Variants in AP2M1 observed in about 807,000 individuals in gnomAD.
AP2M1 encodes adaptor related protein complex 2 subunit mu 1.
AP2M1 carries 5 observed loss-of-function variants against 54.5 expected under a neutral mutation model. The observed-to-expected ratio is 0.09, with a 90% CI of 0.05 to 0.19. The LOEUF (loss-of-function observed/expected upper bound fraction) is 0.19. AP2M1 is among the 10% of genes least tolerant of loss of function. AP2M1 has a pLI of 1.00. For missense variants in AP2M1, 178 were observed against 580.2 expected (o/e 0.31, Z 7.12); for synonymous variants, 186 against 208.2 (o/e 0.89, Z 0.92).
intron 3 of AP2M1, 178 bp downstream of exon 3, chr3:184,179,300 C>CAGCCTTCAGGTCTGGA: frequency 1.3e-6 from 1 of 750,924 alleles, no homozygotes; most frequent in Non-Finnish European, 2.1e-6. Context: ...ACATCCAGAC[C>CAGCCTTCAGGTCTGGA]TGAAGGCTGG....
intron 1 of AP2M1, 44 bp from the exon 2 acceptor site, chr3:184,176,907 A>G (rs1452139468): frequency 2.2e-6 from 3 of 1,381,862 alleles, no homozygotes; most frequent in African/African-American, 1.4e-5. Flanking sequence ...GGATGTTGGC[A>G]GCGATTCTGA....
chr3:184,182,900 A>G lies in AP2M1; in HGVS notation c.1173+32A>G, dbSNP rs1226472207. 1 of 1,578,344 alleles carries G rather than the reference A, an allele frequency of 6.3e-7. No homozygotes were observed. The highest frequency in any genetic ancestry group is 1.3e-5 in the African/African-American group (1 of 74,290). ...CAGAGGAGGGGCCTAGAGTCATGCC[A>G]GGGTATGCTGGAAGACCTCTTAGAG... On this transcript the variant is annotated intron_variant, in intron 11 of 11. Coordinates refer to ENST00000292807, the MANE Select transcript of AP2M1 (RefSeq NM_004068.4). This position sits in a 1 kb window ranked among gnomAD's most constrained non-coding sequence, Gnocchi z 5.5.
intron 1 of AP2M1, among the ~76,000 whole-genome samples, chr3:184,176,229 A>AG (rs1015477354): frequency 1.4e-4 from 22 of 152,030 alleles, no homozygotes; most frequent in African/African-American, 5.1e-4. Context: ...GCTTTTTGAA[A>AG]GGGGGGTGGT....
Position 184,182,165 on chromosome 3 carries a change from C to T in AP2M1, c.978C>T (p.Thr326=), listed in dbSNP as rs1577060324. Reference sequence around the variant, plus strand: ...GTCACTTCTAGGTGAGGATCCCAACCCCACTGAACACAAGCGGGGTGCAGG... The same window carrying T: ...GTCACTTCTAGGTGAGGATCCCAACTCCACTGAACACAAGCGGGGTGCAGG... ...LAQKIEVRIP[T]PLNTSGVQVI... The change falls in exon 10 of 12, where the codon ACC becomes ACT. Residue 326 remains threonine (T), a synonymous_variant. Coordinates refer to ENST00000292807, the MANE Select transcript of AP2M1 (RefSeq NM_004068.4). This position sits in a 1 kb window ranked among gnomAD's most constrained non-coding sequence, Gnocchi z 5.5. 1 of 1,614,108 alleles carries T rather than the reference C, an allele frequency of 6.2e-7. No homozygotes were observed. The highest frequency in any genetic ancestry group is 8.5e-7 in the Non-Finnish European group (1 of 1,179,990).
intron 1 of AP2M1, among the ~76,000 whole-genome samples, chr3:184,176,552 T>A (rs1715078872): frequency 1.3e-5 from 2 of 152,028 alleles, no homozygotes; most frequent in South Asian, 4.1e-4. Flanking sequence ...ACTGGAGTAA[T>A]GCCTACCGCC....
At position 184,181,003 on chromosome 3, in the gene AP2M1, C is replaced by G. The variant is rs770256640; in HGVS notation, c.565+19C>G. The G allele has an allele frequency of 1.2e-6, 2 of 1,613,956 alleles. No individual in the cohort carries two copies. The highest frequency in any genetic ancestry group is 1.3e-5 in the African/African-American group (1 of 74,884). ...CCACAAGGTGAGGTCCCTCTCACGA[C>G]AAAGTTGGAGGGGGCCCAGGGCAGG... On this transcript the variant is annotated intron_variant, in intron 6 of 11. Transcript: ENST00000292807. This position sits in a 1 kb window ranked among gnomAD's most constrained non-coding sequence, Gnocchi z 5.7.
chr3:184,175,106 T>G, intron 1 of AP2M1, 147 bp downstream of exon 1: 2 of 385,532 alleles, frequency 5.2e-6, no homozygotes, highest in Non-Finnish European at 9.2e-6. Flanking sequence ...GGGAGCTAGC[T>G]GACGGTGGGG....
At position 184,181,336 on chromosome 3, in the gene AP2M1, C is replaced by A; in HGVS notation, c.707+110C>A. On this transcript the variant is annotated intron_variant, in intron 7 of 11. Coordinates refer to ENST00000292807, the MANE Select transcript of AP2M1 (RefSeq NM_004068.4). This position sits in a 1 kb window ranked among gnomAD's most constrained non-coding sequence, Gnocchi z 5.7. The stretch of plus-strand genomic sequence containing the variant: ...TTCATTCCCACTGTAATTGCAAACT[C>A]TGTTCCTGACGGTAAGCCTGGCTGT... The A allele has an allele frequency of 6.7e-7, 1 of 1,496,558 alleles. No individual in the cohort carries two copies. Among genetic ancestry groups the A allele is most frequent in the Non-Finnish European group, 9.1e-7 (1 of 1,093,368 alleles). 92.7% of individuals were successfully genotyped at this position (1,496,558 alleles called of 1,614,324 possible).
chr3:184,180,147 G>C lies in AP2M1; in HGVS notation c.341-22G>C. The C allele has an allele frequency of 1.9e-6, 3 of 1,613,384 alleles. No individual in the cohort carries two copies. The South Asian group carries it at 3.3e-5, about 18-fold the overall frequency. On this transcript the variant is annotated intron_variant, in intron 3 of 11. Transcript: ENST00000292807. This position sits in a 1 kb window ranked among gnomAD's most constrained non-coding sequence, Gnocchi z 4.9. ...AATGAAGAAGCTCTGTCCAGGGGCT[G>C]ATGGTTCCCTTCTTTTTGCAGAGAT...
At position 184,180,319 on chromosome 3, in the gene AP2M1, G is replaced by A; in HGVS notation, c.423+68G>A. 1.3e-6 allele frequency: 2 copies of A among 1,564,650 alleles called. No homozygotes were observed. Among genetic ancestry groups the A allele is most frequent in the Non-Finnish European group, 1.7e-6 (2 of 1,143,338 alleles). ...TCCCTTCATCTCAGCTGGCCCCTGA[G>A]CCTTGTCTGAGCTGACTCATGAGCC... On this transcript the variant is annotated intron_variant, in intron 4 of 11. Coordinates refer to ENST00000292807, the MANE Select transcript of AP2M1 (RefSeq NM_004068.4). This position sits in a 1 kb window ranked among gnomAD's most constrained non-coding sequence, Gnocchi z 4.9.
rs1202025869 is a variant in AP2M1, at chr3:184,183,617, C to A, written c.*1C>A. 2 of 1,612,604 alleles carry A rather than the reference C, an allele frequency of 1.2e-6. No individual in the cohort carries two copies. The highest frequency in any genetic ancestry group is 2.2e-5 in the South Asian group (2 of 91,036). The stretch of plus-strand genomic sequence containing the variant: ...TGGCATTTATGAAACTCGCTGCTAG[C>A]TGCCACTAGGCAGCTAGCCCACCTC... On this transcript the variant is annotated 3_prime_UTR_variant, in exon 12 of 12. Coordinates refer to ENST00000292807, the MANE Select transcript of AP2M1 (RefSeq NM_004068.4). The surrounding 1 kb of genome is among the most constrained non-coding windows in gnomAD (Gnocchi z 5.7).
At position 184,181,744 on chromosome 3, in the gene AP2M1, G is replaced by A; in HGVS notation, c.756G>A (p.Val252=). The A allele has an allele frequency of 1.2e-6, 2 of 1,614,084 alleles. No homozygotes were observed. The highest frequency in any genetic ancestry group is 2.7e-5 in the African/African-American group (2 of 75,060). The change falls in exon 8 of 12, where the codon GTG becomes GTA. Residue 252 remains valine, a synonymous_variant. Coordinates refer to ENST00000292807, the MANE Select transcript of AP2M1 (RefSeq NM_004068.4). The surrounding 1 kb of genome is among the most constrained non-coding windows in gnomAD (Gnocchi z 5.7). ...AIDDCTFHQC[V]RLSKFDSERS... is the part of the protein sequence containing the mutation. ...ATGACTGCACCTTCCACCAGTGTGTGCGACTCAGCAAGTTTGACTCTGAAC... is the reference window on the plus strand; with the variant it reads ...ATGACTGCACCTTCCACCAGTGTGTACGACTCAGCAAGTTTGACTCTGAAC...
At chr3:184,179,158 G>A in intron 3 of AP2M1, 36 bp downstream of exon 3, 1 of 1,604,020 alleles carries the variant, frequency 6.2e-7, no homozygotes, top group Non-Finnish European at 8.5e-7. Flanking sequence ...GCGGGCGTAG[G>A]GTGGGAAAAA....
At chr3:184,176,846 T>C in intron 1 of AP2M1, 105 bp from the exon 2 acceptor site, 2 of 736,846 alleles carry the variant, frequency 2.7e-6, no homozygotes, top group Non-Finnish European at 4.2e-6. Flanking sequence ...GGTCACTTAC[T>C]AAAGGGTTGA....
At position 184,177,113 on chromosome 3, in the gene AP2M1, C is replaced by G. The variant is rs768276985; in HGVS notation, c.74+46C>G. ...AGCTGTGCCCCACCACTCCAGCCCC[C>G]CAGCCCCAGCATACAGGATTAGGTC... is the stretch of plus-strand genomic sequence containing the variant. On this transcript the variant is annotated intron_variant, in intron 2 of 11. Coordinates refer to ENST00000292807, the MANE Select transcript of AP2M1 (RefSeq NM_004068.4). The G allele has an allele frequency of 2.5e-6, 4 of 1,575,952 alleles. No homozygotes were observed. The South Asian group carries it at 3.4e-5, about 13-fold the overall frequency.
rs1196962616 is a variant in AP2M1, at chr3:184,183,002, A to T, written c.1173+134A>T. The stretch of plus-strand genomic sequence containing the variant: ...AAGAAGAACTGGCTTTAATTCATAG[A>T]TCCATTCTTCCCCTTTCAAGCCTCT... On this transcript the variant is annotated intron_variant, in intron 11 of 11. Transcript: ENST00000292807. This position sits in a 1 kb window ranked among gnomAD's most constrained non-coding sequence, Gnocchi z 5.7. The T allele has an allele frequency of 7.7e-6, 6 of 774,694 alleles. No homozygotes were observed. Among genetic ancestry groups the T allele is most frequent in the Non-Finnish European group, 1.1e-5 (5 of 442,330 alleles). The allele number at this position is 774,694 out of a possible 1,614,324, so 48.0% of individuals were successfully genotyped here. A position where few individuals can be genotyped will look rare whatever the true frequency, so the allele number is the denominator to read the frequency against.
rs555780261 is a variant in AP2M1 at position 184,178,837 on chromosome 3, T to G, written c.75-20T>G. On this transcript the variant is annotated intron_variant, in intron 2 of 11. Transcript: ENST00000292807. This position sits in a 1 kb window ranked among gnomAD's most constrained non-coding sequence, Gnocchi z 4.9. ...GTTCACCTGGGTGCTGAGCAGGCCCTATGCACTCTTTTCCCTCAGGAGGAA... is the reference window on the plus strand; with the variant it reads ...GTTCACCTGGGTGCTGAGCAGGCCCGATGCACTCTTTTCCCTCAGGAGGAA... 34 of 1,612,562 alleles carry G rather than the reference T, an allele frequency of 2.1e-5. No homozygotes were observed. The South Asian group carries it at 3.5e-4, about 17-fold the overall frequency.
chr3:184,181,682 G>A lies in AP2M1; in HGVS notation c.708-14G>A. ...CTCCTGTACCAATGAGACCTCTTCTGCCCCTGCTTGCAGCGGGAAGCAATC... is the reference window on the plus strand; with the variant it reads ...CTCCTGTACCAATGAGACCTCTTCTACCCCTGCTTGCAGCGGGAAGCAATC... On this transcript the variant is annotated splice_polypyrimidine_tract_variant and intron_variant, in intron 7 of 11. Transcript: ENST00000292807. The surrounding 1 kb of genome is among the most constrained non-coding windows in gnomAD (Gnocchi z 5.7). 1.2e-6 allele frequency: 2 copies of A among 1,613,526 alleles called. No individual in the cohort carries two copies. The highest frequency in any genetic ancestry group is 1.7e-6 in the Non-Finnish European group (2 of 1,179,842).
rs368582661 is a variant in AP2M1, at chr3:184,183,407, C to T, written c.1174-75C>T. 4 of 1,591,774 alleles carry T rather than the reference C, an allele frequency of 2.5e-6. No individual in the cohort carries two copies. In the South Asian group the frequency reaches 3.4e-5, roughly 13 times the overall value. ...CACCTGTAGTAGCGATGAAGTAGGG[C>T]AGGGCAACGGGACTTCCCAGAGGAG... On this transcript the variant is annotated intron_variant, in intron 11 of 11. Coordinates refer to ENST00000292807, the MANE Select transcript of AP2M1 (RefSeq NM_004068.4). The surrounding 1 kb of genome is among the most constrained non-coding windows in gnomAD (Gnocchi z 5.7).
Sources: allele counts gnomAD v4.1 joint callset (sites outside exome capture counted in the v4.1 genomes callset), GRCh38; gene constraint gnomAD v4.1.1; non-coding constraint Gnocchi (gnomAD v3.1); transcripts MANE v1.5; gene names NCBI Gene and HGNC (gene_info 2026-07-23, HGNC 2026-07-21).